PARD3B: variants seen among roughly 807,000 people sequenced by gnomAD.
PARD3B encodes the protein par-3 family cell polarity regulator beta, also known as partitioning defective 3 homolog B.
Under a neutral mutation model 130.2 loss-of-function variants are expected in PARD3B, and 103 were observed. The ratio of observed to expected loss-of-function variants is 0.79; its 90% CI spans 0.67 to 0.93. The LOEUF is 0.93. Among genes scored for constraint, PARD3B ranks in the 40% least tolerant of loss-of-function variants. The probability of loss-of-function intolerance (pLI) is 0.00; values close to 1 mark genes in which losing one functional copy is unlikely to be tolerated. For missense variants in PARD3B, 1,609 were observed against 1,499.2 expected (o/e 1.07, Z -1.21); for synonymous variants, 583 against 553.2 (o/e 1.05, Z -0.76).
intron 3 of PARD3B, among the ~76,000 whole-genome samples, chr2:205,047,120 T>A (rs1381764981): frequency 6.6e-6 from 1 of 152,208 alleles, no homozygotes; most frequent in Non-Finnish European, 1.5e-5. Flanking sequence ...GCAAATAATT[T>A]ATTTTGGTCT....
chr2:205,111,131 A>T lies in PARD3B; in HGVS notation c.594-2360A>T, dbSNP rs534680024. 1.7e-4 allele frequency among the ~76,000 whole-genome samples: 26 copies of T among 152,284 alleles called. No homozygotes were observed. In the South Asian group the frequency reaches 5.2e-3, roughly 30 times the overall value. ...AACATTTTATAAAGAACATGATGAGACATGGTCTATGTAAAATTTTATTAC... is the reference window on the plus strand; with the variant it reads ...AACATTTTATAAAGAACATGATGAGTCATGGTCTATGTAAAATTTTATTAC... On this transcript the variant is annotated intron_variant, in intron 5 of 22. Coordinates refer to ENST00000406610, the MANE Select transcript of PARD3B (RefSeq NM_001302769.2).
chr2:205,085,757 A>G (rs116605952), intron 4 of PARD3B, among the ~76,000 whole-genome samples: 5,430 of 152,170 alleles, frequency 0.036, 133 homozygotes, highest in Non-Finnish European at 0.052. Context: ...TGCTATTTTT[A>G]TATTCAGTAT....
At position 205,263,208 on chromosome 2, in the gene PARD3B, T is replaced by C. The variant is rs2040382213; in HGVS notation, c.2185+17386T>C. Among the ~76,000 whole-genome samples, 1 of 152,108 alleles carries C rather than the reference T, an allele frequency of 6.6e-6. No individual in the cohort carries two copies. The highest frequency in any genetic ancestry group is 1.5e-5 in the Non-Finnish European group (1 of 67,988). The stretch of plus-strand genomic sequence containing the variant: ...AGAGCCTTGTTCTATTAGTTAATGG[T>C]TCTTTCTCTTCTGTCTTCAGATTTT... On this transcript the variant is annotated intron_variant, in intron 16 of 22. Transcript: ENST00000406610. This position sits in a 1 kb window ranked among gnomAD's most constrained non-coding sequence, Gnocchi z 4.0.
intron 18 of PARD3B, among the ~76,000 whole-genome samples, chr2:205,381,221 T>A (rs1485108415): frequency 1.7e-5 from 2 of 117,494 alleles, no homozygotes; most frequent in South Asian, 2.6e-4. Flanking sequence ...AGAATATATA[T>A]TATATATAAT....
chr2:205,052,614 C>T (rs1202129206), intron 4 of PARD3B, among the ~76,000 whole-genome samples: 1 of 151,026 alleles, frequency 6.6e-6, no homozygotes, highest in East Asian at 1.9e-4. Context: ...AAAAGAATAA[C>T]AAAAAATCAA....
chr2:204,731,795 GT>G (rs948418293), intron 2 of PARD3B, among the ~76,000 whole-genome samples: 2 of 152,016 alleles, frequency 1.3e-5, no homozygotes, highest in Admixed American at 1.3e-4. Flanking sequence ...AGTTACATTG[GT>G]TTTTTTTAGT....
At chr2:205,057,541 ATATGTGTATATG>A (rs1559397223) in intron 4 of PARD3B, among the ~76,000 whole-genome samples, 2 of 128,732 alleles carry the variant, frequency 1.6e-5, no homozygotes, top group East Asian at 4.5e-4. Context: ...ACATATATGT[ATATGTGTATATG>A]TATATATACA....
rs540217814 is a variant in PARD3B at position 205,361,736 on chromosome 2, C to T, written c.2631-39277C>T. Among the ~76,000 whole-genome samples, 5 of 152,246 alleles carry T rather than the reference C, an allele frequency of 3.3e-5. 1 individual carries two copies. The highest frequency in any genetic ancestry group is 9.6e-5 in the African/African-American group (4 of 41,548). On this transcript the variant is annotated intron_variant, in intron 18 of 22. Transcript: ENST00000406610. ...AAGCAATTTCCATTTTGCTTTTCTC[C>T]GTGCATACCACTTGGCCACATAGGA...
intron 22 of PARD3B, among the ~76,000 whole-genome samples, chr2:205,602,322 T>C (rs928026581): frequency 1.3e-5 from 2 of 152,254 alleles, no homozygotes; most frequent in African/African-American, 4.8e-5. Flanking sequence ...ATCAGGGATA[T>C]TGGCCTGAAG....
intron 11 of PARD3B, among the ~76,000 whole-genome samples, chr2:205,170,397 C>G (rs1304087064): frequency 6.6e-6 from 1 of 152,194 alleles, no homozygotes; most frequent in Non-Finnish European, 1.5e-5. Flanking sequence ...AAGAGGAAGG[C>G]AGGGGACATT....
intron 1 of PARD3B, among the ~76,000 whole-genome samples, chr2:204,617,191 A>G (rs1377624644): frequency 6.6e-6 from 1 of 152,078 alleles, no homozygotes; most frequent in Non-Finnish European, 1.5e-5. Context: ...GTCTGGGGTA[A>G]ATTTATACAG....
At chr2:204,823,017 CTCA>C (rs1273055043) in intron 2 of PARD3B, among the ~76,000 whole-genome samples, 2 of 152,178 alleles carry the variant, frequency 1.3e-5, no homozygotes, top group African/African-American at 4.8e-5. Flanking sequence ...CTTCAAGTTG[CTCA>C]TCATTTCCCA....
chr2:204,731,897 G>A (rs1355032157), intron 2 of PARD3B, among the ~76,000 whole-genome samples: 1 of 152,036 alleles, frequency 6.6e-6, no homozygotes, highest in East Asian at 1.9e-4. Flanking sequence ...CACTTCCAGT[G>A]AATTACCTGA....
intron 18 of PARD3B, among the ~76,000 whole-genome samples, chr2:205,376,710 A>G (rs535397387): frequency 6.6e-6 from 1 of 152,282 alleles, no homozygotes; most frequent in South Asian, 2.1e-4. Context: ...TGTAAACGAA[A>G]GCTGTGGAGG....
chr2:205,221,526 G>A (rs563284881), intron 15 of PARD3B, among the ~76,000 whole-genome samples: 4 of 152,222 alleles, frequency 2.6e-5, no homozygotes, highest in African/African-American at 4.8e-5. Context: ...AGGGAGATGT[G>A]GGTCCTAGGG....
In PARD3B at chr2:205,556,575, T is replaced by TAA. The variant is rs1475959939; in HGVS notation, c.3260+3173_3260+3174dup. ...CCTAAGGCTAAGGGCTAAGCCATGTTAAGTGTTATTGTTAAGCAATGTTAA... is the reference window on the plus strand; with the variant it reads ...CCTAAGGCTAAGGGCTAAGCCATGTTAAAAGTGTTATTGTTAAGCAATGTTAA... On this transcript the variant is annotated intron_variant, in intron 22 of 22. Transcript: ENST00000406610. Among the ~76,000 whole-genome samples, 5 of 152,346 alleles carry TAA rather than the reference T, an allele frequency of 3.3e-5. No homozygotes were observed. In the East Asian group the frequency reaches 9.6e-4, roughly 29 times the overall value.
chr2:204,580,224 G>T (rs2032480503), intron 1 of PARD3B, among the ~76,000 whole-genome samples: 1 of 151,324 alleles, frequency 6.6e-6, no homozygotes, highest in South Asian at 2.1e-4. Context: ...AGAGTGGGAG[G>T]CAGCCTTTAT....
At chr2:205,025,437 G>C (rs1696943526) in intron 3 of PARD3B, among the ~76,000 whole-genome samples, 1 of 152,138 alleles carries the variant, frequency 6.6e-6, no homozygotes, top group Non-Finnish European at 1.5e-5. Flanking sequence ...TAACATCATG[G>C]CTAAGTTTTA....
intron 2 of PARD3B, among the ~76,000 whole-genome samples, chr2:204,854,076 A>T (rs992573056): frequency 5.9e-5 from 9 of 152,146 alleles, no homozygotes; most frequent in Admixed American, 5.2e-4. Context: ...CTGAGAAAGA[A>T]CAGAGCTTGG....
Sources: allele counts gnomAD v4.1 joint callset (sites outside exome capture counted in the v4.1 genomes callset), GRCh38; gene constraint gnomAD v4.1.1; non-coding constraint Gnocchi (gnomAD v3.1); transcripts MANE v1.5; gene names NCBI Gene and HGNC (gene_info 2026-07-23, HGNC 2026-07-21).